PRDM11: variants seen among roughly 807,000 people sequenced by gnomAD.
PRDM11 encodes PR domain-containing protein 11.
Under a neutral mutation model 97.8 loss-of-function variants are expected in PRDM11, and 20 were observed. The observed-to-expected ratio is 0.20, with a 90% confidence interval of 0.14 to 0.30. The LOEUF is 0.30. PRDM11 is among the 10% of genes least tolerant of loss of function. The probability of loss-of-function intolerance (pLI) is 1.00; values close to 1 mark genes in which losing one functional copy is unlikely to be tolerated. For missense variants in PRDM11, 1,139 were observed against 1,555.2 expected, an observed-to-expected ratio of 0.73 and a Z score of 4.50; for synonymous variants, 599 against 637.7, an observed-to-expected ratio of 0.94 and a Z score of 0.91.
At position 45,114,308 on chromosome 11, in the gene PRDM11, T is replaced by A. The variant is rs968357543; in HGVS notation, c.96+18407T>A. 3.3e-5 allele frequency among the ~76,000 whole-genome samples: 5 copies of A among 152,118 alleles called. No individual in the cohort carries two copies. In the East Asian group the frequency reaches 7.7e-4, roughly 23 times the overall value. ...CTTGAAAAGTACCATATATGAAATT[T>A]AAAAAATTCACTGATATGCATAACA... On this transcript the variant is annotated intron_variant, in intron 1 of 6. Coordinates refer to the PRDM11 transcript ENST00000530656.
chr11:45,188,681 C>A (rs1161486730), intron 4 of PRDM11, among the ~76,000 whole-genome samples: 5 of 152,216 alleles, frequency 3.3e-5, no homozygotes, highest in Non-Finnish European at 7.3e-5. Flanking sequence ...TGGACACTCA[C>A]CTCTGCCTGT....
intron 4 of PRDM11, among the ~76,000 whole-genome samples, chr11:45,198,005 G>C (rs1853191681): frequency 6.6e-6 from 1 of 152,064 alleles, no homozygotes; most frequent in African/African-American, 2.4e-5. Flanking sequence ...ATGTACCCTA[G>C]AACTTAAAGT....
In PRDM11 at chr11:45,224,529, G is replaced by C. The variant is rs148178386; in HGVS notation, c.1055G>C (p.Gly352Ala). 2.5e-6 allele frequency: 4 copies of C among 1,614,134 alleles called. No homozygotes were observed. Among genetic ancestry groups the C allele is most frequent in the Non-Finnish European group, 3.4e-6 (4 of 1,180,030 alleles). ...YSQCATTMTHGVQNIGQTQGE... is the reference protein window; with the variant it reads ...YSQCATTMTHAVQNIGQTQGE... ...CAGTGTGCAACAACAATGACCCATG[G>C]TGTGCAGAATATAGGCCAGACCCAG... is the stretch of plus-strand genomic sequence containing the variant. The change falls in exon 7 of 8, where the codon GGT becomes GCT. Residue 352 changes from glycine (G) to alanine (A), a missense_variant. Gly to Ala is a moderately conservative substitution (Grantham distance 60). Around this residue, in one of 2 missense-constraint regions of PRDM11, gnomAD observed 429 missense variants for 510.3 expected, o/e 0.84. Transcript: ENST00000683152.
chr11:45,131,716 G>A (rs1416377498), intron 1 of PRDM11, among the ~76,000 whole-genome samples: 1 of 152,118 alleles, frequency 6.6e-6, no homozygotes, highest in Admixed American at 6.6e-5. Context: ...AAATGAAAGA[G>A]CATGCTCAAA....
At chr11:45,129,162 T>G (rs1273005753) in intron 1 of PRDM11, among the ~76,000 whole-genome samples, 3 of 152,196 alleles carry the variant, frequency 2.0e-5, no homozygotes, top group Non-Finnish European at 4.4e-5. Flanking sequence ...TTTTCTAATC[T>G]AATGAAGGAT....
Position 45,233,946 on chromosome 11 carries a change from C to G in PRDM11, c.*5787C>G, listed in dbSNP as rs920139981. 4.6e-5 allele frequency: 7 copies of G among 152,452 alleles called. No individual in the cohort carries two copies. The highest frequency in any genetic ancestry group is 2.1e-4 in the South Asian group (1 of 4,836). 9.4% of individuals were successfully genotyped at this position (152,452 alleles called of 1,614,324 possible). Reference sequence around the variant, plus strand: ...CACAGAGGCCCCGTGGCCCCTACCCCACTCCCGCCGTAACAGGCAGGTTTA... The same window carrying G: ...CACAGAGGCCCCGTGGCCCCTACCCGACTCCCGCCGTAACAGGCAGGTTTA... On this transcript the variant is annotated 3_prime_UTR_variant, in exon 8 of 8. Transcript: ENST00000683152.
At chr11:45,138,599 T>G (rs566832550) in intron 1 of PRDM11, among the ~76,000 whole-genome samples, 81 of 152,240 alleles carry the variant, frequency 5.3e-4, no homozygotes, top group African/African-American at 1.9e-3. Flanking sequence ...ATGATACACA[T>G]GGCACTACAA....
At chr11:45,187,606 T>A (rs1019604227) in intron 4 of PRDM11, among the ~76,000 whole-genome samples, 8 of 152,160 alleles carry the variant, frequency 5.3e-5, no homozygotes, top group African/African-American at 1.9e-4. Context: ...CTGGAGGTTA[T>A]TCCCTCTGAG....
intron 5 of PRDM11, among the ~76,000 whole-genome samples, chr11:45,209,922 G>A (rs1360531435): frequency 6.6e-6 from 1 of 152,178 alleles, no homozygotes; most frequent in Admixed American, 6.5e-5. Flanking sequence ...AGTTAACCAG[G>A]CCAGGCAGCA....
intron 1 of PRDM11, among the ~76,000 whole-genome samples, chr11:45,171,560 G>A (rs1364011135): frequency 6.6e-6 from 1 of 152,156 alleles, no homozygotes; most frequent in Non-Finnish European, 1.5e-5. Flanking sequence ...GAGATGCTGT[G>A]GCCCCACCCT....
intron 4 of PRDM11, among the ~76,000 whole-genome samples, chr11:45,183,376 A>G (rs1852588047): frequency 6.6e-6 from 1 of 152,116 alleles, no homozygotes; most frequent in Admixed American, 6.5e-5. Context: ...ACTCAGGGCA[A>G]TTTCCCCATG....
intron 4 of PRDM11, among the ~76,000 whole-genome samples, chr11:45,184,721 G>T (rs1166379221): frequency 6.6e-6 from 1 of 152,174 alleles, no homozygotes; most frequent in Non-Finnish European, 1.5e-5. Context: ...TGAGTTTGGA[G>T]TAACAACAAG....
chr11:45,222,354 G>A (rs1301457618), intron 6 of PRDM11, among the ~76,000 whole-genome samples: 3 of 152,202 alleles, frequency 2.0e-5, no homozygotes, highest in African/African-American at 4.8e-5. Context: ...GGAATCTCTG[G>A]TGATTTCTAG....
At chr11:45,163,581 C>T (rs961584109) in intron 1 of PRDM11, among the ~76,000 whole-genome samples, 2 of 152,228 alleles carry the variant, frequency 1.3e-5, no homozygotes, top group African/African-American at 4.8e-5. Flanking sequence ...GATTTGCACT[C>T]TTCCTAAATA....
intron 1 of PRDM11, among the ~76,000 whole-genome samples, chr11:45,131,366 A>G (rs1459883251): frequency 6.6e-6 from 1 of 152,224 alleles, no homozygotes; most frequent in Admixed American, 6.5e-5. Context: ...AATTTTCTGT[A>G]TATACGTTAT....
At position 45,227,904 on chromosome 11, in the gene PRDM11, T is replaced by A; in HGVS notation, c.3279T>A (p.Asn1093Lys). 1 of 1,533,942 alleles carries A rather than the reference T, an allele frequency of 6.5e-7. No individual in the cohort carries two copies. Among genetic ancestry groups the A allele is most frequent in the Non-Finnish European group, 8.7e-7 (1 of 1,146,712 alleles). The stretch of plus-strand genomic sequence containing the variant: ...CCGCTTGCTGCGAGAAAGGCCGCAA[T>A]GCCCTCCAGCGAGTTCGCAAAAACC... ...TSTACCEKGR[N>K]ALQRVRKNHR... The change falls in exon 8 of 8, where the codon AAT becomes AAA. Residue 1093 changes from asparagine (N) to lysine (K), a missense_variant. Around this residue, in one of 2 missense-constraint regions of PRDM11, gnomAD observed 710 missense variants for 1,044.9 expected, o/e 0.68. Coordinates refer to ENST00000683152, the MANE Select transcript of PRDM11 (RefSeq NM_001384648.1). This position sits in a 1 kb window ranked among gnomAD's most constrained non-coding sequence, Gnocchi z 8.0.
At chr11:45,111,898 G>A (rs1308375945) in intron 1 of PRDM11, among the ~76,000 whole-genome samples, 1 of 152,034 alleles carries the variant, frequency 6.6e-6, no homozygotes, top group Non-Finnish European at 1.5e-5. Context: ...CTGTACAATG[G>A]GAGACTATGT....
intron 1 of PRDM11, among the ~76,000 whole-genome samples, chr11:45,129,973 A>G (rs1852682336): frequency 6.6e-6 from 1 of 152,136 alleles, no homozygotes; most frequent in Non-Finnish European, 1.5e-5. Context: ...CAACAGACCC[A>G]CACTTACATG....
intron 1 of PRDM11, among the ~76,000 whole-genome samples, chr11:45,096,808 A>G (rs1565216146): frequency 6.6e-6 from 1 of 152,212 alleles, no homozygotes; most frequent in Non-Finnish European, 1.5e-5. Context: ...AAATGTGAGG[A>G]CTGACTCCTT....
Sources: gnomAD v4.1 joint callset for allele counts (sites outside exome capture counted in the v4.1 genomes callset) on GRCh38, gnomAD v4.1.1 for gene constraint, gnomAD v4.1.1 regional missense constraint, Gnocchi (gnomAD v3.1) non-coding constraint, MANE v1.5 for transcripts, NCBI Gene and HGNC (gene_info 2026-07-23, HGNC 2026-07-21) for gene names.